Variants in METTL15 observed in about 807,000 individuals in gnomAD.
METTL15 encodes the protein 12S rRNA N(4)-cytidine methyltransferase METTL15.
METTL15 carries 34 observed loss-of-function variants against 38.3 expected under a neutral mutation model. The observed-to-expected ratio is 0.89, with a 90% confidence interval of 0.68 to 1.18. METTL15 has a LOEUF of 1.18. METTL15 is among the 50% of genes most tolerant of loss of function. The pLI, the probability that METTL15 is intolerant of heterozygous loss-of-function variation, is 0.00. For synonymous variants in METTL15, 162 were observed against 170.9 expected (o/e 0.95, Z 0.41); for missense variants, 438 against 498.4 (o/e 0.88, Z 1.15).
chr11:28,153,846 C>T (rs533520392), intron 3 of METTL15, among the ~76,000 whole-genome samples: 2 of 152,148 alleles, frequency 1.3e-5, no homozygotes, highest in South Asian at 4.2e-4. Context: ...AGGATCTAAT[C>T]GTTAGGCTCA....
At chr11:28,236,223 G>T (rs543992856) in intron 4 of METTL15, among the ~76,000 whole-genome samples, 31 of 152,064 alleles carry the variant, frequency 2.0e-4, no homozygotes, top group African/African-American at 5.8e-4. Flanking sequence ...ATTTTATTGA[G>T]GATTTTTGCA....
intron 4 of METTL15, among the ~76,000 whole-genome samples, chr11:28,258,865 G>A (rs990486848): frequency 2.6e-5 from 4 of 152,082 alleles, no homozygotes; most frequent in African/African-American, 9.7e-5. Context: ...TTGCTACTCT[G>A]CCCTCCTGTG....
At chr11:28,231,693 C>G (rs1352778585) in intron 4 of METTL15, among the ~76,000 whole-genome samples, 2 of 151,820 alleles carry the variant, frequency 1.3e-5, no homozygotes, top group Non-Finnish European at 1.5e-5. Flanking sequence ...TGTCTATGTG[C>G]TGTTTATTTA....
intron 5 of METTL15, among the ~76,000 whole-genome samples, chr11:28,292,809 G>GTGA (rs1856572148): frequency 6.6e-6 from 1 of 152,202 alleles, no homozygotes; most frequent in African/African-American, 2.4e-5. Context: ...CTGATGGCTA[G>GTGA]TGATGATGAG....
chr11:28,134,570 C>T (rs533451277), intron 3 of METTL15: 13 of 398,346 alleles, frequency 3.3e-5, no homozygotes, highest in South Asian at 1.3e-4. Context: ...AAAAAGTGGA[C>T]GAAGACCTCT....
intron 6 of METTL15, among the ~76,000 whole-genome samples, chr11:28,480,345 T>C (rs1466263241): frequency 6.6e-6 from 1 of 152,194 alleles, no homozygotes; most frequent in Non-Finnish European, 1.5e-5. Flanking sequence ...GGATGTGCCT[T>C]AGTGTACCAT....
chr11:28,325,890 A>G (rs1164752903), intron 6 of METTL15, among the ~76,000 whole-genome samples: 1 of 152,222 alleles, frequency 6.6e-6, no homozygotes, highest in African/African-American at 2.4e-5. Context: ...GTAATTACAG[A>G]AGAGTATGAT....
At chr11:28,207,813 C>G (rs1470440562) in intron 3 of METTL15, among the ~76,000 whole-genome samples, 1 of 152,060 alleles carries the variant, frequency 6.6e-6, no homozygotes, top group Non-Finnish European at 1.5e-5. Flanking sequence ...TTCAGAGATT[C>G]AACTTCTTCC....
intron 5 of METTL15, among the ~76,000 whole-genome samples, chr11:28,398,543 G>A (rs764063810): frequency 1.3e-5 from 2 of 152,002 alleles, no homozygotes; most frequent in Non-Finnish European, 2.9e-5. Context: ...TTGAAAATTT[G>A]TTTAAGTTCT....
intron 5 of METTL15, among the ~76,000 whole-genome samples, chr11:28,411,848 G>T (rs535471342): frequency 1.3e-5 from 2 of 152,126 alleles, no homozygotes; most frequent in South Asian, 4.2e-4. Flanking sequence ...CTTATCTGAT[G>T]AGGGGTTAAT....
At chr11:28,507,364 A>G (rs975037011) in intron 6 of METTL15, among the ~76,000 whole-genome samples, 6 of 152,080 alleles carry the variant, frequency 3.9e-5, no homozygotes, top group African/African-American at 1.4e-4. Context: ...ATCTCCTAAG[A>G]ACTCACTATC....
At chr11:28,375,112 T>G (rs1850292798) in intron 5 of METTL15, among the ~76,000 whole-genome samples, 2 of 149,694 alleles carry the variant, frequency 1.3e-5, no homozygotes, top group Non-Finnish European at 3.0e-5. Flanking sequence ...ATCAAGGATA[T>G]TGGTCTAAAA....
chr11:28,202,423 T>TA (rs1325948536), intron 3 of METTL15, among the ~76,000 whole-genome samples: 1 of 152,052 alleles, frequency 6.6e-6, no homozygotes, highest in Non-Finnish European at 1.5e-5. Flanking sequence ...GAATGCTATG[T>TA]ATATCTTTCT....
At chr11:28,452,885 C>G (rs1419621451) in intron 6 of METTL15, among the ~76,000 whole-genome samples, 3 of 152,150 alleles carry the variant, frequency 2.0e-5, no homozygotes, top group Non-Finnish European at 4.4e-5. Context: ...TGTAGTGGAG[C>G]CTTTTGGTGA....
chr11:28,438,648 C>CTTT (rs1474349430), intron 6 of METTL15, among the ~76,000 whole-genome samples: 10 of 146,620 alleles, frequency 6.8e-5, no homozygotes, highest in African/African-American at 2.5e-4. Context: ...ATAGATCACG[C>CTTT]TTTTTTTTTC....
chr11:28,436,594 T>C (rs1243028523), intron 6 of METTL15, among the ~76,000 whole-genome samples: 1 of 151,710 alleles, frequency 6.6e-6, no homozygotes, highest in Non-Finnish European at 1.5e-5. Flanking sequence ...TTGCATGGAA[T>C]ACTGTTTTTA....
intron 3 of METTL15, among the ~76,000 whole-genome samples, chr11:28,149,421 T>G (rs1850001185): frequency 6.6e-6 from 1 of 151,810 alleles, no homozygotes; most frequent in Non-Finnish European, 1.5e-5. Flanking sequence ...CTAGCCAAAC[T>G]AGCCATGTAT....
At chr11:28,207,638 A>G (rs529930272) in intron 3 of METTL15, among the ~76,000 whole-genome samples, 1 of 152,200 alleles carries the variant, frequency 6.6e-6, no homozygotes, top group East Asian at 1.9e-4. Flanking sequence ...TGAGTTAGGG[A>G]GGATTCCCTC....
At chr11:28,192,618 C>T (rs1355729284) in intron 3 of METTL15, among the ~76,000 whole-genome samples, 2 of 151,938 alleles carry the variant, frequency 1.3e-5, no homozygotes, top group Non-Finnish European at 2.9e-5. Flanking sequence ...TTCATTAAGT[C>T]TTAGAATTTA....
Sources: allele counts gnomAD v4.1 joint callset (sites outside exome capture counted in the v4.1 genomes callset), GRCh38; gene constraint gnomAD v4.1.1; transcripts MANE v1.5; gene names NCBI Gene and HGNC (gene_info 2026-07-23, HGNC 2026-07-21).